Variants in WDFY2 observed in about 807,000 individuals in gnomAD.
WDFY2 encodes the protein WD repeat and FYVE domain containing 2.
In WDFY2, 36 loss-of-function variants were observed where a neutral mutation model predicts 56.4. The ratio of observed to expected loss-of-function variants is 0.64; its 90% confidence interval spans 0.49 to 0.84. The LOEUF is 0.84. WDFY2 is among the 40% of genes least tolerant of loss of function. The pLI is 0.00. For synonymous variants in WDFY2, 176 were observed against 183.7 expected, an observed-to-expected ratio of 0.96 and a Z score of 0.34; for missense variants, 444 against 512.2, an observed-to-expected ratio of 0.87 and a Z score of 1.29.
At chr13:51,597,893 T>C (rs1387240991) in intron 1 of WDFY2, among the ~76,000 whole-genome samples, 2 of 152,212 alleles carry the variant, frequency 1.3e-5, no homozygotes, top group East Asian at 3.8e-4. Flanking sequence ...ATGGTACATG[T>C]ATATGCAAAA....
intron 1 of WDFY2, among the ~76,000 whole-genome samples, chr13:51,645,577 T>A (rs1429559099): frequency 6.6e-6 from 1 of 152,184 alleles, no homozygotes; most frequent in Non-Finnish European, 1.5e-5. Context: ...AGTGTTTTAT[T>A]GTAGGCACGT....
At chr13:51,720,249 G>C (rs1270159671) in intron 5 of WDFY2, among the ~76,000 whole-genome samples, 2 of 152,166 alleles carry the variant, frequency 1.3e-5, no homozygotes, top group Non-Finnish European at 2.9e-5. Flanking sequence ...CTTTGAAACT[G>C]TGCGGCATTC....
At chr13:51,662,642 T>A (rs997360907) in intron 2 of WDFY2, among the ~76,000 whole-genome samples, 50 of 152,252 alleles carry the variant, frequency 3.3e-4, no homozygotes, top group Non-Finnish European at 2.9e-5. Context: ...CTTTTAGTTG[T>A]GTTTTCATCA....
At chr13:51,595,245 A>G (rs1418735649) in intron 1 of WDFY2, among the ~76,000 whole-genome samples, 1 of 152,148 alleles carries the variant, frequency 6.6e-6, no homozygotes, top group Non-Finnish European at 1.5e-5. Flanking sequence ...CATGGCTTCC[A>G]TAAGGAATAC....
chr13:51,608,280 T>C (rs1030504411), intron 1 of WDFY2, among the ~76,000 whole-genome samples: 1 of 152,264 alleles, frequency 6.6e-6, no homozygotes, highest in African/African-American at 2.4e-5. Context: ...GGAATTCAAA[T>C]AGAATCAAAT....
At chr13:51,724,418 TA>T (rs1380265419) in intron 5 of WDFY2, among the ~76,000 whole-genome samples, 7 of 152,208 alleles carry the variant, frequency 4.6e-5, no homozygotes, top group African/African-American at 1.7e-4. Context: ...TTTGTATTTT[TA>T]GTAGAGACAG....
intron 3 of WDFY2, among the ~76,000 whole-genome samples, chr13:51,681,837 T>G (rs2138518544): frequency 6.6e-6 from 1 of 152,336 alleles, no homozygotes; most frequent in African/African-American, 2.4e-5. Context: ...AAACTCTTGC[T>G]GTATTGTGCC....
intron 1 of WDFY2, among the ~76,000 whole-genome samples, chr13:51,646,546 T>C (rs1319383507): frequency 1.3e-5 from 2 of 152,184 alleles, no homozygotes; most frequent in Non-Finnish European, 2.9e-5. Context: ...ACAACAGAGG[T>C]GGCACTTGTT....
intron 1 of WDFY2, among the ~76,000 whole-genome samples, chr13:51,653,151 C>T (rs910716657): frequency 1.3e-5 from 2 of 152,156 alleles, no homozygotes; most frequent in African/African-American, 2.4e-5. Context: ...TCATTTCATT[C>T]ACTTGATCTT....
At chr13:51,750,981 G>A (rs375191940) in intron 7 of WDFY2, among the ~76,000 whole-genome samples, 12 of 152,098 alleles carry the variant, frequency 7.9e-5, no homozygotes, top group African/African-American at 1.2e-4. Context: ...ATGAACATAC[G>A]CTACACATTT....
intron 1 of WDFY2, among the ~76,000 whole-genome samples, chr13:51,644,210 G>A (rs1955225943): frequency 1.3e-5 from 2 of 152,126 alleles, no homozygotes; most frequent in Admixed American, 1.3e-4. Flanking sequence ...AAAAACAAAA[G>A]CCAAGTCTGC....
chr13:51,598,351 T>G (rs1954194257), intron 1 of WDFY2: 1 of 152,212 alleles, frequency 6.6e-6, no homozygotes, highest in Non-Finnish European at 1.5e-5. Flanking sequence ...AGAGCGAGAC[T>G]CTGTCTCAAA....
intron 1 of WDFY2, among the ~76,000 whole-genome samples, chr13:51,613,776 A>C (rs562832147): frequency 1.3e-5 from 2 of 152,310 alleles, no homozygotes; most frequent in African/African-American, 4.8e-5. Flanking sequence ...TTTAACACCA[A>C]GTTAGCACAG....
Position 51,716,129 on chromosome 13 carries a change from A to G in WDFY2, c.335-3069A>G, listed in dbSNP as rs186540321. ...AGAAAAAAGCCGCACACAAAAGGCC[A>G]TGTATTGTATGATTACATTTATATG... On this transcript the variant is annotated intron_variant, in intron 4 of 11. Coordinates refer to ENST00000298125, the MANE Select transcript of WDFY2 (RefSeq NM_052950.4). 7.8e-4 allele frequency among the ~76,000 whole-genome samples: 119 copies of G among 152,344 alleles called. 1 individual carries two copies. Among genetic ancestry groups the G allele is most frequent in the African/African-American group, 2.2e-3 (91 of 41,580 alleles).
intron 3 of WDFY2, among the ~76,000 whole-genome samples, chr13:51,697,076 A>G (rs1163226469): frequency 6.6e-6 from 1 of 152,228 alleles, no homozygotes; most frequent in Non-Finnish European, 1.5e-5. Flanking sequence ...TTCTATTTTT[A>G]TCTAAGTTGT....
intron 1 of WDFY2, chr13:51,590,758 C>G (rs1413493318): frequency 6.6e-6 from 1 of 150,380 alleles, no homozygotes; most frequent in Non-Finnish European, 1.5e-5. Flanking sequence ...AATTCCCTAA[C>G]AGAGAAAAAA....
intron 1 of WDFY2, among the ~76,000 whole-genome samples, chr13:51,636,732 C>T (rs953507005): frequency 2.0e-5 from 3 of 152,142 alleles, no homozygotes; most frequent in Non-Finnish European, 4.4e-5. Context: ...TGAGTGAGAT[C>T]ACTTGGCCTA....
chr13:51,686,713 G>C (rs2079012563), intron 3 of WDFY2, among the ~76,000 whole-genome samples: 1 of 152,068 alleles, frequency 6.6e-6, no homozygotes, highest in Non-Finnish European at 1.5e-5. Flanking sequence ...GTTATAAACA[G>C]CTTGAAAAAG....
rs1032742785 is a variant in WDFY2, at chr13:51,655,097, T to C, written c.138-5499T>C. Among the ~76,000 whole-genome samples, 6 of 152,324 alleles carry C rather than the reference T, an allele frequency of 3.9e-5. No homozygotes were observed. The South Asian group carries it at 6.2e-4, about 16-fold the overall frequency. On this transcript the variant is annotated intron_variant, in intron 1 of 11. Transcript: ENST00000298125. ...AATTTAATTAGCTTCAGTCGTTTTTTCTTGAGTGGATTATTTAGGATTTTC... is the reference window on the plus strand; with the variant it reads ...AATTTAATTAGCTTCAGTCGTTTTTCCTTGAGTGGATTATTTAGGATTTTC...
Sources: gnomAD v4.1 joint callset for allele counts (sites outside exome capture counted in the v4.1 genomes callset) on GRCh38, gnomAD v4.1.1 for gene constraint, MANE v1.5 for transcripts, NCBI Gene and HGNC (gene_info 2026-07-23, HGNC 2026-07-21) for gene names.